Variants in RELN observed in about 807,000 individuals in gnomAD.
RELN encodes reelin.
RELN carries 108 observed loss-of-function variants against 427.6 expected under a neutral mutation model. That is an observed-to-expected ratio of 0.25 (90% confidence interval 0.22 to 0.30). The LOEUF (loss-of-function observed/expected upper bound fraction) is 0.30, where lower values mean the gene tolerates loss of function less well. RELN is among the 10% of genes least tolerant of loss of function. The pLI is 1.00. For synonymous variants in RELN, 1,524 were observed against 1,513.4 expected, an observed-to-expected ratio of 1.01 and a Z score of -0.16; for missense variants, 3,715 against 4,302.8, an observed-to-expected ratio of 0.86 and a Z score of 3.82.
chr7:103,819,676 T>C lies in RELN; in HGVS notation c.473+13861A>G, dbSNP rs566928863. 7.9e-5 allele frequency among the ~76,000 whole-genome samples: 12 copies of C among 152,202 alleles called. No individual in the cohort carries two copies. The South Asian group carries it at 2.1e-3, about 26-fold the overall frequency. On this transcript the variant is annotated intron_variant, in intron 3 of 64. Coordinates refer to ENST00000428762, the MANE Select transcript of RELN (RefSeq NM_005045.4). The stretch of plus-strand genomic sequence containing the variant: ...GATTGCAGAACAAATCTGAGATCCA[T>C]AGAATGAAATATTTTGCTTTTCAAA...
chr7:103,574,063 G>C (rs1178172857), intron 30 of RELN, 29 bp downstream of exon 30: 1 of 1,541,916 alleles, frequency 6.5e-7, no homozygotes, highest in African/African-American at 1.4e-5. Flanking sequence ...ATATGTTTGT[G>C]AAAAAGTATA....
intron 2 of RELN, among the ~76,000 whole-genome samples, chr7:103,883,150 G>A (rs1222979625): frequency 1.3e-5 from 2 of 152,212 alleles, no homozygotes; most frequent in Non-Finnish European, 2.9e-5. Flanking sequence ...ATCAATAAAC[G>A]TAATCCATCA....
chr7:103,956,325 G>A (rs1279419030), intron 1 of RELN, among the ~76,000 whole-genome samples: 1 of 152,188 alleles, frequency 6.6e-6, no homozygotes, highest in South Asian at 2.1e-4. Context: ...TGCAAACACA[G>A]TAAAACTGAT....
intron 45 of RELN, among the ~76,000 whole-genome samples, chr7:103,536,356 T>C (rs955713899): frequency 6.6e-6 from 1 of 152,208 alleles, no homozygotes; most frequent in African/African-American, 2.4e-5. Flanking sequence ...GCTGCCTACG[T>C]CCCTACCTCC....
At position 103,776,560 on chromosome 7, in the gene RELN, C is replaced by G. The variant is rs1342417375; in HGVS notation, c.541G>C (p.Gly181Arg). ...ACAAATCAAATGTGACGCTTACCTC[C>G]TTGTTCACACAACTGCTGGGCTAAA... ...DALAQQLCEQ[G>R]APTDVTVHPH... is the part of the protein sequence containing the mutation. Residue 181 changes from glycine (G) to arginine (R), a missense_variant, in exon 4 of 65, where the codon GGA becomes CGA. By Grantham distance (125) the Gly-to-Arg change is moderately radical. Transcript: ENST00000428762. The G allele has an allele frequency of 3.1e-6, 5 of 1,614,088 alleles. No homozygotes were observed. The Middle Eastern group carries it at 8.3e-4, about 266-fold the overall frequency.
chr7:103,831,728 C>A (rs915230169), intron 3 of RELN, among the ~76,000 whole-genome samples: 1 of 152,016 alleles, frequency 6.6e-6, no homozygotes, highest in Non-Finnish European at 1.5e-5. Flanking sequence ...GAGGTGCGTG[C>A]CAAGGGAGAT....
intron 2 of RELN, among the ~76,000 whole-genome samples, chr7:103,879,293 T>C (rs1794553647): frequency 6.6e-6 from 1 of 152,196 alleles, no homozygotes; most frequent in East Asian, 1.9e-4. Flanking sequence ...CTTAGCACAA[T>C]ACCTGAAACA....
intron 11 of RELN, among the ~76,000 whole-genome samples, chr7:103,669,692 T>G (rs1162020243): frequency 1.3e-5 from 2 of 152,114 alleles, no homozygotes; most frequent in Non-Finnish European, 2.9e-5. Context: ...TCGGATGGCA[T>G]GGCAATTTTC....
intron 64 of RELN, among the ~76,000 whole-genome samples, chr7:103,473,969 A>T (rs1191395350): frequency 6.6e-6 from 1 of 152,194 alleles, no homozygotes; most frequent in East Asian, 1.9e-4. Context: ...TTCCAACATA[A>T]AGATCAATAT....
At chr7:103,559,033 T>C (rs1830585255) in intron 36 of RELN, among the ~76,000 whole-genome samples, 1 of 152,212 alleles carries the variant, frequency 6.6e-6, no homozygotes, top group Admixed American at 6.5e-5. Context: ...AACCATATAT[T>C]GAGTGCCTAT....
rs1380484242 is a variant in RELN, at chr7:103,824,920, A to C, written c.473+8617T>G. 3.3e-5 allele frequency among the ~76,000 whole-genome samples: 5 copies of C among 152,004 alleles called. No individual in the cohort carries two copies. Among genetic ancestry groups the C allele is most frequent in the African/African-American group, 1.2e-4 (5 of 41,390 alleles). ...AGTGGTAGTATAGGATGGTGGTTTA[A>C]AGAACACGTTTTGGATCAAAACACA... On this transcript the variant is annotated intron_variant, in intron 3 of 64. Transcript: ENST00000428762. The surrounding 1 kb of genome is among the most constrained non-coding windows in gnomAD (Gnocchi z 4.4).
chr7:103,585,842 C>T (rs181422487), intron 28 of RELN, among the ~76,000 whole-genome samples: 2 of 152,038 alleles, frequency 1.3e-5, no homozygotes, highest in Non-Finnish European at 2.9e-5. Flanking sequence ...AACAGCACAT[C>T]GAAAAGATAT....
intron 1 of RELN, among the ~76,000 whole-genome samples, chr7:103,950,187 G>A (rs1352963351): frequency 5.9e-5 from 9 of 152,046 alleles, no homozygotes; most frequent in African/African-American, 1.2e-4. Flanking sequence ...ATCCTTTCAC[G>A]AAGGTTCCGC....
rs1244607544 is a variant in RELN at position 103,610,816 on chromosome 7, AAGTT to A, written c.2896-13_2896-10del. 2.7e-6 allele frequency: 4 copies of A among 1,506,626 alleles called. No homozygotes were observed. The Admixed American group carries it at 5.0e-5, about 19-fold the overall frequency. 93.3% of individuals were successfully genotyped at this position (1,506,626 alleles called of 1,614,324 possible). ...ATACTTGGAAGGCATTCCTGAAAGAAAGTTAGGCACAAATCAAACCCAGCTTCTG... is the reference window on the plus strand; with the variant it reads ...ATACTTGGAAGGCATTCCTGAAAGAAAGGCACAAATCAAACCCAGCTTCTG... On this transcript the variant is annotated splice_polypyrimidine_tract_variant and intron_variant, in intron 21 of 64. Coordinates refer to ENST00000428762, the MANE Select transcript of RELN (RefSeq NM_005045.4).
chr7:103,515,930 G>T (rs187351463), intron 49 of RELN, among the ~76,000 whole-genome samples: 15 of 152,274 alleles, frequency 9.9e-5, no homozygotes, highest in Non-Finnish European at 2.9e-5. Flanking sequence ...TCAGCCTGAG[G>T]GTACCAGGTC....
At chr7:103,887,769 A>C (rs1224400492) in intron 2 of RELN, among the ~76,000 whole-genome samples, 1 of 152,214 alleles carries the variant, frequency 6.6e-6, no homozygotes, top group Admixed American at 6.5e-5. Context: ...TGGTGTGTAC[A>C]TGGGTGTCTT....
chr7:103,905,267 T>G (rs1484802635), intron 2 of RELN, among the ~76,000 whole-genome samples: 1 of 151,980 alleles, frequency 6.6e-6, no homozygotes, highest in East Asian at 1.9e-4. Context: ...CGTGAGCCAC[T>G]GCTTCCTGCC....
intron 53 of RELN, among the ~76,000 whole-genome samples, chr7:103,498,757 G>A (rs1478909607): frequency 6.6e-6 from 1 of 152,124 alleles, no homozygotes; most frequent in African/African-American, 2.4e-5. Context: ...CTCCCAGAGT[G>A]CTGGAATTAC....
At chr7:103,633,575 C>T (rs1399045862) in intron 19 of RELN, among the ~76,000 whole-genome samples, 2 of 151,972 alleles carry the variant, frequency 1.3e-5, no homozygotes, top group Admixed American at 6.6e-5. Flanking sequence ...AAGCCATGCA[C>T]ATATCTAATA....
Sources: gnomAD v4.1 joint callset for allele counts (sites outside exome capture counted in the v4.1 genomes callset) on GRCh38, gnomAD v4.1.1 for gene constraint, Gnocchi (gnomAD v3.1) non-coding constraint, MANE v1.5 for transcripts, NCBI Gene and HGNC (gene_info 2026-07-23, HGNC 2026-07-21) for gene names.